PTPN1: variants seen among roughly 807,000 people sequenced by gnomAD.
PTPN1 encodes the protein tyrosine-protein phosphatase non-receptor type 1.
Under a neutral mutation model 59.9 loss-of-function variants are expected in PTPN1, and 12 were observed. That is an observed-to-expected ratio of 0.20 (90% CI 0.13 to 0.32). The LOEUF is 0.32. PTPN1 is among the 10% of genes least tolerant of loss of function. The probability of loss-of-function intolerance (pLI) is 1.00; values close to 1 mark genes in which losing one functional copy is unlikely to be tolerated. For missense variants in PTPN1, 356 were observed against 549.2 expected (o/e 0.65, Z 3.52); for synonymous variants, 178 against 203.6 (o/e 0.87, Z 1.07).
chr20:50,568,435 G>C lies in PTPN1; in HGVS notation c.311G>C (p.Ser104Thr). Reference sequence around the variant, plus strand: ...TGGGAGATGGTGTGGGAGCAGAAAAGCAGGGGTGTCGTCATGCTCAACAGA... The same window carrying C: ...TGGGAGATGGTGTGGGAGCAGAAAACCAGGGGTGTCGTCATGCTCAACAGA... ...HFWEMVWEQK[S>T]RGVVMLNRVM... The change falls in exon 4 of 10, where the codon AGC (serine) becomes ACC (threonine). Residue 104 changes from serine (S) to threonine (T), a missense_variant. Ser to Thr is a moderately conservative substitution (Grantham distance 58). This residue lies in a region of PTPN1 where 194 missense variants were observed against 344.2 expected (regional missense o/e 0.56). Transcript: ENST00000371621. This position sits in a 1 kb window ranked among gnomAD's most constrained non-coding sequence, Gnocchi z 5.6. 6.2e-6 allele frequency: 10 copies of C among 1,614,202 alleles called. No individual in the cohort carries two copies. Among genetic ancestry groups the C allele is most frequent in the Non-Finnish European group, 7.6e-6 (9 of 1,180,020 alleles).
chr20:50,560,152 G>A (rs1601406900), intron 1 of PTPN1, among the ~76,000 whole-genome samples: 2 of 152,140 alleles, frequency 1.3e-5, no homozygotes, highest in East Asian at 3.8e-4. Context: ...AGCGGTGTGA[G>A]TGTCTCTTGG....
intron 3 of PTPN1, among the ~76,000 whole-genome samples, chr20:50,567,567 A>G (rs2082784971): frequency 6.6e-6 from 1 of 152,220 alleles, no homozygotes; most frequent in Non-Finnish European, 1.5e-5. Context: ...ACTGCTAATA[A>G]TTGAGACAAA....
chr20:50,535,138 A>G (rs1416301356), intron 1 of PTPN1, among the ~76,000 whole-genome samples: 1 of 152,194 alleles, frequency 6.6e-6, no homozygotes, highest in Non-Finnish European at 1.5e-5. Context: ...CAGCTGGTTC[A>G]GGTCCTTCCT....
intron 5 of PTPN1, chr20:50,578,139 T>C: frequency 2.6e-6 from 1 of 384,756 alleles, no homozygotes; most frequent in Non-Finnish European, 4.9e-6. Context: ...TGTAACCATG[T>C]AGACAGTGGA....
rs1443524226 is a variant in PTPN1 at position 50,561,369 on chromosome 20, C to T, written c.70C>T (p.Arg24Ter). 3 of 1,608,454 alleles carry T rather than the reference C, an allele frequency of 1.9e-6. No individual in the cohort carries two copies. The highest frequency in any genetic ancestry group is 1.7e-6 in the Non-Finnish European group (2 of 1,177,150). ...GSWAAIYQDI[R>*]HEASDFPCRV... ...TCTTTATTCTTTTTTGTAGGATATC[C>T]GACATGAAGCCAGTGACTTCCCATG... Residue 24 changes from arginine to a stop codon, truncating the protein, a stop_gained, in exon 2 of 10, where the codon CGA (arginine) becomes TGA (stop). Coordinates refer to ENST00000371621, the MANE Select transcript of PTPN1 (RefSeq NM_002827.4). LOFTEE classifies it high-confidence loss of function.
chr20:50,573,686 A>C (rs894559993), intron 4 of PTPN1: 2 of 152,190 alleles, frequency 1.3e-5, no homozygotes, highest in Admixed American at 6.5e-5. Context: ...GGTCAGGCTG[A>C]CCCGGTAGCT....
intron 1 of PTPN1, among the ~76,000 whole-genome samples, chr20:50,544,611 C>T (rs918402280): frequency 1.3e-5 from 2 of 152,226 alleles, no homozygotes. Context: ...AAACAAATCA[C>T]TATGTCTGGG....
intron 1 of PTPN1, among the ~76,000 whole-genome samples, chr20:50,560,324 T>C (rs2082746365): frequency 6.6e-6 from 1 of 152,128 alleles, no homozygotes; most frequent in Admixed American, 6.5e-5. Flanking sequence ...TCTGCAGAAG[T>C]CTGAGGAGCA....
chr20:50,546,660 T>C (rs148059912), intron 1 of PTPN1, among the ~76,000 whole-genome samples: 1 of 152,282 alleles, frequency 6.6e-6, no homozygotes, highest in Non-Finnish European at 1.5e-5. Flanking sequence ...TGATGTTCTA[T>C]TTTCCTCCCA....
At chr20:50,576,853 C>T (rs192309284) in intron 5 of PTPN1, among the ~76,000 whole-genome samples, 19 of 152,178 alleles carry the variant, frequency 1.2e-4, no homozygotes, top group Middle Eastern at 3.4e-3. Flanking sequence ...CCAGCCTGGG[C>T]GGCAGAGCAA....
intron 1 of PTPN1, among the ~76,000 whole-genome samples, chr20:50,524,569 CT>C (rs764474360): frequency 3.1e-3 from 141 of 45,784 alleles, no homozygotes; most frequent in African/African-American, 8.0e-3. Context: ...ATTATGTGGT[CT>C]TTTTTTTTTT....
intron 1 of PTPN1, among the ~76,000 whole-genome samples, chr20:50,531,827 C>G (rs918850704): frequency 6.6e-6 from 1 of 152,216 alleles, no homozygotes; most frequent in Non-Finnish European, 1.5e-5. Flanking sequence ...CGTCCTGCTT[C>G]TCTCCTTACC....
chr20:50,573,128 G>C (rs1425699432), intron 4 of PTPN1: 2 of 152,234 alleles, frequency 1.3e-5, no homozygotes, highest in Non-Finnish European at 2.9e-5. Context: ...AGCTCCAGTA[G>C]AGCAGGACCA....
chr20:50,558,484 T>A (rs891859420), intron 1 of PTPN1, among the ~76,000 whole-genome samples: 3 of 152,222 alleles, frequency 2.0e-5, no homozygotes, highest in Non-Finnish European at 4.4e-5. Flanking sequence ...AGAACATCTC[T>A]TTTTAGACTG....
intron 1 of PTPN1, among the ~76,000 whole-genome samples, chr20:50,559,349 T>G (rs1184536375): frequency 2.0e-5 from 3 of 152,166 alleles, no homozygotes; most frequent in African/African-American, 7.2e-5. Flanking sequence ...CCAGAATCAT[T>G]GTTCTTAGAA....
chr20:50,548,231 G>C (rs1458439075), intron 1 of PTPN1, among the ~76,000 whole-genome samples: 1 of 152,040 alleles, frequency 6.6e-6, no homozygotes, highest in Non-Finnish European at 1.5e-5. Context: ...ACTGGGCTTA[G>C]TCTAGCGTTT....
chr20:50,548,029 AT>A (rs374742186), intron 1 of PTPN1, among the ~76,000 whole-genome samples: 141 of 151,770 alleles, frequency 9.3e-4, no homozygotes, highest in African/African-American at 3.1e-3. Flanking sequence ...TACTTTGAAG[AT>A]TTTTTTTTAT....
intron 1 of PTPN1, among the ~76,000 whole-genome samples, chr20:50,524,569 C>CTTTTTTTTTTTTTTTTTTTTTGTT (rs2082565417): frequency 2.2e-5 from 1 of 45,782 alleles, no homozygotes; most frequent in Non-Finnish European, 3.6e-5. Flanking sequence ...ATTATGTGGT[C>CTTTTTTTTTTTTTTTTTTTTTGTT]TTTTTTTTTT....
intron 4 of PTPN1, among the ~76,000 whole-genome samples, chr20:50,570,687 C>T (rs1366590420): frequency 6.6e-6 from 1 of 152,204 alleles, no homozygotes; most frequent in Non-Finnish European, 1.5e-5. Flanking sequence ...TGACCCTCAG[C>T]ACTACTGACA....
Sources: allele counts gnomAD v4.1 joint callset (sites outside exome capture counted in the v4.1 genomes callset), GRCh38; gene constraint gnomAD v4.1.1; regional missense constraint gnomAD v4.1.1; non-coding constraint Gnocchi (gnomAD v3.1); transcripts MANE v1.5; gene names NCBI Gene and HGNC (gene_info 2026-07-23, HGNC 2026-07-21).